Variants in HHAT observed in about 807,000 individuals in gnomAD.
HHAT encodes the protein hedgehog acyltransferase.
HHAT carries 47 observed loss-of-function variants against 70.8 expected under a neutral mutation model. The observed-to-expected ratio is 0.66, with a 90% CI of 0.53 to 0.85. HHAT has a LOEUF of 0.85. Among genes scored for constraint, HHAT ranks in the 40% least tolerant of loss-of-function variants. The probability of loss-of-function intolerance (pLI) is 0.00; values close to 1 mark genes in which losing one functional copy is unlikely to be tolerated. For missense variants in HHAT, 609 were observed against 604.8 expected (o/e 1.01, Z -0.07); for synonymous variants, 228 against 247.6 (o/e 0.92, Z 0.74).
At chr1:210,330,928 C>T (rs2143589) in intron 1 of HHAT, among the ~76,000 whole-genome samples, 37,880 of 152,082 alleles carry the variant, frequency 0.25, 5,060 homozygotes, top group African/African-American at 0.34. Flanking sequence ...AAGCAATTCT[C>T]GTGCCTCAGC....
At chr1:210,412,216 A>G (rs150455039) in intron 6 of HHAT, among the ~76,000 whole-genome samples, 5 of 152,122 alleles carry the variant, frequency 3.3e-5, no homozygotes, top group African/African-American at 9.7e-5. Context: ...TTAGGATTTC[A>G]ACATAGGAAT....
intron 11 of HHAT, among the ~76,000 whole-genome samples, chr1:210,633,847 G>C (rs1033668146): frequency 2.0e-5 from 3 of 152,174 alleles, no homozygotes; most frequent in African/African-American, 7.2e-5. Context: ...TGTGCCCACA[G>C]AGCCTCTCTG....
intron 7 of HHAT, among the ~76,000 whole-genome samples, chr1:210,461,249 G>A (rs2093973281): frequency 6.6e-6 from 1 of 152,162 alleles, no homozygotes; most frequent in African/African-American, 2.4e-5. Flanking sequence ...AATCTTAAAA[G>A]GGAAAGAGAC....
At chr1:210,387,994 G>A (rs1489574667) in intron 4 of HHAT, among the ~76,000 whole-genome samples, 1 of 152,202 alleles carries the variant, frequency 6.6e-6, no homozygotes, top group African/African-American at 2.4e-5. Flanking sequence ...TGTTTTAGAT[G>A]GGAAGTCCAG....
At chr1:210,546,875 A>G (rs1035302820) in intron 9 of HHAT, among the ~76,000 whole-genome samples, 3 of 152,112 alleles carry the variant, frequency 2.0e-5, no homozygotes, top group African/African-American at 4.8e-5. Context: ...TGGGTGGGGA[A>G]GAATGTGGGG....
At chr1:210,425,127 G>T (rs191844279) in intron 7 of HHAT, among the ~76,000 whole-genome samples, 12 of 152,236 alleles carry the variant, frequency 7.9e-5, no homozygotes, top group African/African-American at 2.9e-4. Context: ...TTCCCCACAT[G>T]ATTCTTGGCC....
At chr1:210,549,699 G>T (rs1195627272) in intron 9 of HHAT, among the ~76,000 whole-genome samples, 1 of 143,842 alleles carries the variant, frequency 7.0e-6, no homozygotes, top group Non-Finnish European at 1.5e-5. Flanking sequence ...ATTATGATAG[G>T]ATAAAAATAA....
At chr1:210,611,410 C>A (rs1020582692) in intron 10 of HHAT, among the ~76,000 whole-genome samples, 1 of 152,228 alleles carries the variant, frequency 6.6e-6, no homozygotes, top group African/African-American at 2.4e-5. Context: ...AGCTTTTGGG[C>A]TGAGATGATG....
At chr1:210,429,335 A>AT (rs1359260382) in intron 7 of HHAT, among the ~76,000 whole-genome samples, 1 of 151,750 alleles carries the variant, frequency 6.6e-6, no homozygotes, top group Non-Finnish European at 1.5e-5. Flanking sequence ...TTTTAAAGCT[A>AT]TTTTGTCAAC....
chr1:210,584,610 T>C (rs1432756500), intron 9 of HHAT, among the ~76,000 whole-genome samples: 1 of 152,130 alleles, frequency 6.6e-6, no homozygotes, highest in Non-Finnish European at 1.5e-5. Flanking sequence ...TTCTGACTTG[T>C]CATCCAACCC....
At chr1:210,576,572 C>T (rs925845445) in intron 9 of HHAT, among the ~76,000 whole-genome samples, 13 of 151,302 alleles carry the variant, frequency 8.6e-5, no homozygotes, top group Admixed American at 2.6e-4. Context: ...TGCTAAATGA[C>T]GAGTTAATGA....
chr1:210,338,266 G>A (rs1333347073), intron 1 of HHAT, among the ~76,000 whole-genome samples: 1 of 152,138 alleles, frequency 6.6e-6, no homozygotes, highest in Admixed American at 6.5e-5. Flanking sequence ...CTTGAGCCTG[G>A]GAAGTTGAGG....
At chr1:210,424,498 T>G (rs2093001077) in intron 7 of HHAT, among the ~76,000 whole-genome samples, 1 of 135,710 alleles carries the variant, frequency 7.4e-6, no homozygotes, top group South Asian at 2.7e-4. Context: ...GGTAAATTTG[T>G]GCCATGGGTT....
intron 10 of HHAT, among the ~76,000 whole-genome samples, chr1:210,621,633 C>T (rs149515862): frequency 3.0e-4 from 45 of 152,192 alleles, no homozygotes; most frequent in African/African-American, 1.0e-3. Flanking sequence ...TAAGCCTGCT[C>T]CTTCCCCATT....
At chr1:210,664,011 G>C (rs916777933) in intron 11 of HHAT, among the ~76,000 whole-genome samples, 3 of 152,196 alleles carry the variant, frequency 2.0e-5, no homozygotes, top group Non-Finnish European at 4.4e-5. Flanking sequence ...AACTCTGTGA[G>C]GGTAAGGAAT....
intron 9 of HHAT, among the ~76,000 whole-genome samples, chr1:210,516,701 G>C (rs576050783): frequency 6.6e-6 from 1 of 151,956 alleles, no homozygotes; most frequent in East Asian, 1.9e-4. Context: ...GTGCAGTTTG[G>C]TTTGTCAGGC....
chr1:210,647,236 G>T (rs1004586653), intron 11 of HHAT, among the ~76,000 whole-genome samples: 5 of 152,092 alleles, frequency 3.3e-5, no homozygotes, highest in African/African-American at 1.2e-4. Context: ...CTTCTGATGA[G>T]GACACCAGTC....
intron 6 of HHAT, among the ~76,000 whole-genome samples, chr1:210,414,037 C>T (rs543433891): frequency 5.9e-5 from 9 of 152,190 alleles, no homozygotes; most frequent in Non-Finnish European, 1.3e-4. Context: ...TAACAAAATA[C>T]TATAAACTGG....
intron 9 of HHAT, among the ~76,000 whole-genome samples, chr1:210,535,145 C>G (rs553878580): frequency 4.6e-5 from 7 of 152,230 alleles, no homozygotes; most frequent in African/African-American, 1.7e-4. Context: ...GAATCCCAGC[C>G]CTGAGGAAGG....
Sources: gnomAD v4.1 joint callset for allele counts (sites outside exome capture counted in the v4.1 genomes callset) on GRCh38, gnomAD v4.1.1 for gene constraint, MANE v1.5 for transcripts, NCBI Gene and HGNC (gene_info 2026-07-23, HGNC 2026-07-21) for gene names.